The following MCTP1 variants were observed in gnomAD, a reference collection of about 807,000 sequenced individuals.
MCTP1 encodes the protein multiple C2 and transmembrane domain-containing protein 1.
In MCTP1, 69 loss-of-function variants were observed where a neutral mutation model predicts 120.6. That is an observed-to-expected ratio of 0.57 (90% CI 0.47 to 0.70). MCTP1 has a LOEUF of 0.70. Ranked by LOEUF, MCTP1 falls within the 30% of genes least tolerant of loss-of-function variation. The probability of loss-of-function intolerance (pLI) is 0.00; values close to 1 mark genes in which losing one functional copy is unlikely to be tolerated. For synonymous variants in MCTP1, 529 were observed against 493.1 expected, an observed-to-expected ratio of 1.07 and a Z score of -0.96; for missense variants, 1,203 against 1,248.8, an observed-to-expected ratio of 0.96 and a Z score of 0.55.
chr5:94,843,279 G>T (rs1291350368), intron 17 of MCTP1, among the ~76,000 whole-genome samples: 1 of 152,084 alleles, frequency 6.6e-6, no homozygotes, highest in East Asian at 1.9e-4. Context: ...TTAGGGAATG[G>T]CAAACAAGTA....
At chr5:94,863,291 A>G (rs1164965945) in intron 17 of MCTP1, among the ~76,000 whole-genome samples, 1 of 151,856 alleles carries the variant, frequency 6.6e-6, no homozygotes, top group South Asian at 2.1e-4. Context: ...AGAAAGTAAC[A>G]AAAGTTACAT....
At chr5:94,947,213 T>C (rs182612777) in intron 3 of MCTP1, among the ~76,000 whole-genome samples, 1 of 152,200 alleles carries the variant, frequency 6.6e-6, no homozygotes, top group Admixed American at 6.5e-5. Flanking sequence ...CACCAAGCAA[T>C]ATGGTTAATA....
intron 1 of MCTP1, among the ~76,000 whole-genome samples, chr5:95,189,603 C>T (rs773115398): frequency 6.6e-6 from 1 of 151,974 alleles, no homozygotes. Context: ...AAGGGTATAC[C>T]AGTCAAGGAA....
chr5:95,029,313 A>G (rs1046915395), intron 1 of MCTP1, among the ~76,000 whole-genome samples: 1 of 152,168 alleles, frequency 6.6e-6, no homozygotes, highest in African/African-American at 2.4e-5. Context: ...TAGTTATGGT[A>G]TTAAATTGCT....
chr5:94,768,852 A>G (rs893522193), intron 19 of MCTP1, among the ~76,000 whole-genome samples: 5 of 152,142 alleles, frequency 3.3e-5, no homozygotes, highest in African/African-American at 1.2e-4. Flanking sequence ...TTAAAATAGA[A>G]CTAGCATATG....
chr5:95,019,542 C>G (rs62364703), intron 1 of MCTP1, among the ~76,000 whole-genome samples: 14,980 of 151,804 alleles, frequency 0.099, 954 homozygotes, highest in Non-Finnish European at 0.15. Flanking sequence ...GTGTTAGTTT[C>G]TTTGTTTGCC....
At chr5:95,103,026 G>A (rs1327289279) in intron 1 of MCTP1, among the ~76,000 whole-genome samples, 2 of 152,126 alleles carry the variant, frequency 1.3e-5, no homozygotes, top group Non-Finnish European at 2.9e-5. Flanking sequence ...GAGTTGCTCT[G>A]AGGACTAAAT....
intron 2 of MCTP1, among the ~76,000 whole-genome samples, chr5:95,005,065 C>T (rs1834434362): frequency 6.6e-6 from 1 of 152,216 alleles, no homozygotes; most frequent in Non-Finnish European, 1.5e-5. Context: ...GAGCCCATCC[C>T]TTGCATCAGT....
At position 95,204,590 on chromosome 5, in the gene MCTP1, T is replaced by C. The variant is rs574363154; in HGVS notation, c.720+79266A>G. On this transcript the variant is annotated intron_variant, in intron 1 of 22. Coordinates refer to ENST00000515393, the MANE Select transcript of MCTP1 (RefSeq NM_024717.7). ...GGAAAGGAAGAAATAAAGTTATCTCTACTTGCAAATGACATGGTCTTGAAT... is the reference window on the plus strand; with the variant it reads ...GGAAAGGAAGAAATAAAGTTATCTCCACTTGCAAATGACATGGTCTTGAAT... 2.0e-5 allele frequency among the ~76,000 whole-genome samples: 3 copies of C among 152,294 alleles called. No individual in the cohort carries two copies. The East Asian group carries it at 5.8e-4, about 29-fold the overall frequency.
chr5:95,216,352 T>C (rs1450542824), intron 1 of MCTP1, among the ~76,000 whole-genome samples: 4 of 152,186 alleles, frequency 2.6e-5, no homozygotes, highest in Non-Finnish European at 5.9e-5. Context: ...TGGGCTTTGG[T>C]CCAAGAAACT....
chr5:94,760,576 C>A (rs903444912), intron 19 of MCTP1, among the ~76,000 whole-genome samples: 1 of 152,154 alleles, frequency 6.6e-6, no homozygotes, highest in East Asian at 1.9e-4. Flanking sequence ...ACATAACATG[C>A]CAAACATTGA....
chr5:95,093,632 T>G (rs1162137043), intron 1 of MCTP1, among the ~76,000 whole-genome samples: 1 of 152,132 alleles, frequency 6.6e-6, no homozygotes, highest in Non-Finnish European at 1.5e-5. Flanking sequence ...TAAGAAGAAT[T>G]TGAGTTTAGC....
chr5:94,972,172 T>C (rs1827029561), intron 2 of MCTP1, among the ~76,000 whole-genome samples: 1 of 152,174 alleles, frequency 6.6e-6, no homozygotes, highest in Admixed American at 6.6e-5. Flanking sequence ...GTCCATATTC[T>C]GCACCCACAA....
Position 95,226,591 on chromosome 5 carries a change from CT to C in MCTP1, c.720+57264del, listed in dbSNP as rs879888289. Among the ~76,000 whole-genome samples the C allele has an allele frequency of 2.1e-3, 307 of 146,556 alleles. 1 individual carries two copies. The highest frequency in any genetic ancestry group is 0.016 in the East Asian group (81 of 5,062). The stretch of plus-strand genomic sequence containing the variant: ...ACAATTTACTGCTCTCTCAGAACAC[CT>C]TTTTTTTTTTAACTTGCCAACTATG... On this transcript the variant is annotated intron_variant, in intron 1 of 22. Transcript: ENST00000515393.
At chr5:95,194,243 G>A (rs1383676652) in intron 1 of MCTP1, among the ~76,000 whole-genome samples, 1 of 151,842 alleles carries the variant, frequency 6.6e-6, no homozygotes, top group Non-Finnish European at 1.5e-5. Flanking sequence ...GAAATGAAAA[G>A]AAAGAAAAGA....
At chr5:95,277,273 G>A (rs1331144063) in intron 1 of MCTP1, among the ~76,000 whole-genome samples, 1 of 152,068 alleles carries the variant, frequency 6.6e-6, no homozygotes, top group African/African-American at 2.4e-5. Flanking sequence ...GCACAATATG[G>A]CAGCCACTTA....
chr5:95,169,716 G>C (rs559019420), intron 1 of MCTP1, among the ~76,000 whole-genome samples: 2 of 152,230 alleles, frequency 1.3e-5, no homozygotes, highest in East Asian at 1.9e-4. Flanking sequence ...AGGGTAGTTT[G>C]TATTTCTGTG....
chr5:94,846,422 G>T (rs1038196980), intron 17 of MCTP1, among the ~76,000 whole-genome samples: 2 of 152,098 alleles, frequency 1.3e-5, no homozygotes, highest in South Asian at 4.1e-4. Flanking sequence ...AGCACCACAT[G>T]TTCTCACTTG....
At chr5:95,044,695 A>G (rs1174003375) in intron 1 of MCTP1, among the ~76,000 whole-genome samples, 1 of 151,910 alleles carries the variant, frequency 6.6e-6, no homozygotes, top group Non-Finnish European at 1.5e-5. Flanking sequence ...TCAGTTGCTC[A>G]GCACCATCTT....
Sources: allele counts gnomAD v4.1 joint callset (sites outside exome capture counted in the v4.1 genomes callset), GRCh38; gene constraint gnomAD v4.1.1; transcripts MANE v1.5; gene names NCBI Gene and HGNC (gene_info 2026-07-23, HGNC 2026-07-21).